MEI4: variants seen among roughly 807,000 people sequenced by gnomAD.
The protein encoded by MEI4 is meiotic double-stranded break formation protein 4.
Under a neutral mutation model 31.4 loss-of-function variants are expected in MEI4, and 27 were observed. The ratio of observed to expected loss-of-function variants is 0.86; its 90% confidence interval spans 0.63 to 1.19. The LOEUF is 1.19. MEI4 is among the 50% of genes most tolerant of loss of function. The pLI is 0.00. For synonymous variants in MEI4, 122 were observed against 145.4 expected, an observed-to-expected ratio of 0.84 and a Z score of 1.16; for missense variants, 329 against 398.9, an observed-to-expected ratio of 0.82 and a Z score of 1.49.
At position 77,754,278 on chromosome 6, in the gene MEI4, A is replaced by C. The variant is rs1767858177; in HGVS notation, c.233-6852A>C. Reference sequence around the variant, plus strand: ...GAAATAAATAAATAAATAATAAGTGAAGCTCAAAACAAACAAACAAGGCTC... The same window carrying C: ...GAAATAAATAAATAAATAATAAGTGCAGCTCAAAACAAACAAACAAGGCTC... On this transcript the variant is annotated intron_variant, in intron 2 of 4. Transcript: ENST00000684080. 2.0e-5 allele frequency among the ~76,000 whole-genome samples: 3 copies of C among 152,240 alleles called. No homozygotes were observed. In the South Asian group the frequency reaches 6.2e-4, roughly 32 times the overall value.
At chr6:77,650,767 G>A (rs1021969432), upstream of MEI4, among the ~76,000 whole-genome samples, 1 of 152,186 alleles carries the variant, frequency 6.6e-6, no homozygotes. Context: ...ATTATAGACT[G>A]TGTCTGCTGT....
At chr6:77,750,686 C>T (rs1561974093) in intron 2 of MEI4, among the ~76,000 whole-genome samples, 1 of 152,162 alleles carries the variant, frequency 6.6e-6, no homozygotes, top group East Asian at 1.9e-4. Context: ...CTTCAACACC[C>T]CACTGTCAAC....
intron 2 of MEI4, among the ~76,000 whole-genome samples, chr6:77,731,050 C>T (rs1766973716): frequency 6.6e-6 from 1 of 151,870 alleles, no homozygotes; most frequent in Non-Finnish European, 1.5e-5. Flanking sequence ...GGGTTGGTTC[C>T]AAGCCTTTGC....
chr6:77,741,383 C>G (rs1173372940), intron 2 of MEI4, among the ~76,000 whole-genome samples: 1 of 152,082 alleles, frequency 6.6e-6, no homozygotes, highest in Non-Finnish European at 1.5e-5. Context: ...GGGTGACTCT[C>G]TGATTGGTCT....
intron 3 of MEI4, among the ~76,000 whole-genome samples, chr6:77,785,228 TA>T (rs1000775378): frequency 1.3e-5 from 2 of 152,144 alleles, no homozygotes; most frequent in African/African-American, 2.4e-5. Context: ...TGTAAATTTG[TA>T]AAACTTTATG....
In MEI4 at chr6:77,923,099, G is replaced by C; in HGVS notation, c.911G>C (p.Ser304Thr). The change falls in exon 5 of 5, where the codon AGT becomes ACT. Residue 304 changes from serine to threonine, a missense_variant. Physicochemically the swap from Ser to Thr is moderately conservative, Grantham distance 58. Coordinates refer to ENST00000684080, the MANE Select transcript of MEI4 (RefSeq NM_001322247.2). ...GTTGTTTATTTGTAGGAGCAAGCCA[G>C]TTATGATGTGTCACGCTATGAAAAC... ...DLGAINQEQA[S>T]YDVSRYENIF... is the part of the protein sequence containing the mutation. 8.1e-7 allele frequency: 1 copy of C among 1,230,186 alleles called. No homozygotes were observed. The highest frequency in any genetic ancestry group is 1.0e-6 in the Non-Finnish European group (1 of 986,536). 76.2% of individuals were successfully genotyped at this position (1,230,186 alleles called of 1,614,324 possible).
intron 4 of MEI4, among the ~76,000 whole-genome samples, chr6:77,859,904 AT>A (rs1770828819): frequency 6.6e-6 from 1 of 152,208 alleles, no homozygotes; most frequent in Non-Finnish European, 1.5e-5. Context: ...TAAATCTGCC[AT>A]TGATCAAAAG....
At chr6:77,915,958 T>A (rs1766534758) in intron 4 of MEI4, among the ~76,000 whole-genome samples, 2 of 152,206 alleles carry the variant, frequency 1.3e-5, no homozygotes, top group Admixed American at 1.3e-4. Flanking sequence ...TCTTTTTCAT[T>A]CTGTCATCTT....
chr6:77,744,530 G>A (rs953263843), intron 2 of MEI4, among the ~76,000 whole-genome samples: 1 of 152,110 alleles, frequency 6.6e-6, no homozygotes, highest in African/African-American at 2.4e-5. Context: ...ATGGAACCAA[G>A]TTGGAAAACA....
At chr6:77,672,539 T>A (rs1266942803) in intron 1 of MEI4, among the ~76,000 whole-genome samples, 1 of 152,164 alleles carries the variant, frequency 6.6e-6, no homozygotes, top group Non-Finnish European at 1.5e-5. Context: ...ACATTCTGGT[T>A]TATTATTTTG....
At chr6:77,912,209 T>C (rs1456346070) in intron 4 of MEI4, among the ~76,000 whole-genome samples, 1 of 152,168 alleles carries the variant, frequency 6.6e-6, no homozygotes, top group African/African-American at 2.4e-5. Context: ...ACCAATACTA[T>C]ATTGTTTTGA....
intron 3 of MEI4, among the ~76,000 whole-genome samples, chr6:77,824,030 A>T (rs909533908): frequency 6.6e-6 from 1 of 152,206 alleles, no homozygotes; most frequent in Non-Finnish European, 1.5e-5. Flanking sequence ...CAAAATTTCT[A>T]TGCCTTAAGA....
At chr6:77,771,360 C>T (rs1018692543) in intron 3 of MEI4, among the ~76,000 whole-genome samples, 3 of 151,978 alleles carry the variant, frequency 2.0e-5, no homozygotes, top group Admixed American at 1.3e-4. Context: ...TTAATTCAGC[C>T]ATTGTGGAAA....
intron 4 of MEI4, among the ~76,000 whole-genome samples, chr6:77,860,715 G>T (rs1187700860): frequency 6.6e-6 from 1 of 152,036 alleles, no homozygotes; most frequent in East Asian, 1.9e-4. Flanking sequence ...TTGAATATCA[G>T]TGTCTCCAAA....
At chr6:77,696,367 T>C (rs1248862241) in intron 2 of MEI4, among the ~76,000 whole-genome samples, 2 of 152,136 alleles carry the variant, frequency 1.3e-5, no homozygotes, top group Non-Finnish European at 2.9e-5. Flanking sequence ...ATGCTTCCAG[T>C]TTTTGCCCAT....
chr6:77,764,845 A>G (rs1335494570), intron 3 of MEI4, among the ~76,000 whole-genome samples: 1 of 152,132 alleles, frequency 6.6e-6, no homozygotes, highest in Non-Finnish European at 1.5e-5. Flanking sequence ...ACTAAACAAT[A>G]CAATTTTGAA....
chr6:77,751,282 G>A (rs1024890209), intron 2 of MEI4, among the ~76,000 whole-genome samples: 20 of 151,804 alleles, frequency 1.3e-4, no homozygotes, highest in Non-Finnish European at 2.6e-4. Flanking sequence ...AGAACTGAAG[G>A]AGATAGAAAC....
chr6:77,772,183 GAGA>G (rs1768334479), intron 3 of MEI4, among the ~76,000 whole-genome samples: 1 of 150,364 alleles, frequency 6.7e-6, no homozygotes, highest in Admixed American at 6.6e-5. Flanking sequence ...CTGAAAAATA[GAGA>G]AGAAGATACT....
intron 4 of MEI4, among the ~76,000 whole-genome samples, chr6:77,868,242 C>A (rs200338551): frequency 2.0e-5 from 3 of 146,612 alleles, no homozygotes; most frequent in Non-Finnish European, 3.0e-5. Context: ...AAATTAAAAG[C>A]AAAAAAAAAT....
Sources: gnomAD v4.1 joint callset for allele counts (sites outside exome capture counted in the v4.1 genomes callset) on GRCh38, gnomAD v4.1.1 for gene constraint, MANE v1.5 for transcripts, NCBI Gene and HGNC (gene_info 2026-07-23, HGNC 2026-07-21) for gene names.